The following PRKCH variants were observed in gnomAD, a reference collection of about 807,000 sequenced individuals.
PRKCH encodes the protein protein kinase C eta type.
A neutral mutation model predicts 82.5 loss-of-function variants in PRKCH; 28 were observed. The observed-to-expected ratio is 0.34, with a 90% confidence interval of 0.25 to 0.47. The LOEUF (loss-of-function observed/expected upper bound fraction) is 0.47, where lower values mean the gene tolerates loss of function less well. Among genes scored for constraint, PRKCH ranks in the 20% least tolerant of loss-of-function variants. The pLI is 1.00. For synonymous variants in PRKCH, 322 were observed against 327.4 expected (o/e 0.98, Z 0.18); for missense variants, 705 against 881.8 (o/e 0.80, Z 2.54).
intron 2 of PRKCH, among the ~76,000 whole-genome samples, chr14:61,428,509 A>G (rs1481472128): frequency 1.3e-5 from 2 of 151,924 alleles, no homozygotes; most frequent in African/African-American, 4.8e-5. Context: ...TTAAAATTTT[A>G]TTTTTGGTTT....
intron 10 of PRKCH, among the ~76,000 whole-genome samples, chr14:61,527,581 T>C (rs1394382203): frequency 6.6e-6 from 1 of 152,188 alleles, no homozygotes; most frequent in Non-Finnish European, 1.5e-5. Flanking sequence ...CCCCAACTGA[T>C]CTTTTCTTGT....
upstream of PRKCH, among the ~76,000 whole-genome samples, chr14:61,318,393 G>T (rs1272649744): frequency 3.1e-5 from 4 of 130,438 alleles, no homozygotes; most frequent in African/African-American, 1.2e-4. Flanking sequence ...TTGTAGAGAT[G>T]AGAGTCTCCC....
chr14:61,318,365 GTT>G (rs77878429), upstream of PRKCH, among the ~76,000 whole-genome samples: 10,694 of 126,018 alleles, frequency 0.085, 177 homozygotes, highest in African/African-American at 0.13. Flanking sequence ...GTTTTAAAAA[GTT>G]TTTTTTTTTT....
At chr14:61,309,103 C>T (rs796386928) in intron 1 of PRKCH, among the ~76,000 whole-genome samples, 6 of 151,998 alleles carry the variant, frequency 3.9e-5, no homozygotes, top group African/African-American at 7.2e-5. Context: ...GGCAACATAC[C>T]GAGACCCCGC....
chr14:61,334,239 C>T (rs968283505), intron 1 of PRKCH, among the ~76,000 whole-genome samples: 3 of 152,100 alleles, frequency 2.0e-5, no homozygotes, highest in African/African-American at 7.2e-5. Context: ...CTAGGTGTTA[C>T]AGGTAGGGCA....
chr14:61,500,931 G>A (rs573745092), intron 10 of PRKCH, among the ~76,000 whole-genome samples: 4 of 152,126 alleles, frequency 2.6e-5, no homozygotes, highest in Admixed American at 6.5e-5. Flanking sequence ...TTTAAGACTG[G>A]CCACAGACTC....
chr14:61,377,537 A>C (rs934239803), intron 1 of PRKCH, among the ~76,000 whole-genome samples: 5 of 152,220 alleles, frequency 3.3e-5, no homozygotes. Flanking sequence ...TCTTTCTGTA[A>C]AGGGCCAGAG....
chr14:61,205,743 C>T (rs1307511977), intron 1 of PRKCH, among the ~76,000 whole-genome samples: 4 of 152,194 alleles, frequency 2.6e-5, no homozygotes, highest in Admixed American at 6.5e-5. Context: ...CCAGAGGCAA[C>T]AAGCTAACTA....
At chr14:61,518,154 C>T (rs1317842208) in intron 10 of PRKCH, among the ~76,000 whole-genome samples, 2 of 152,126 alleles carry the variant, frequency 1.3e-5, no homozygotes, top group African/African-American at 4.8e-5. Flanking sequence ...CAGAGCAAGG[C>T]GCTATGGTCA....
chr14:61,423,205 CG>C (rs1395261523), intron 2 of PRKCH, among the ~76,000 whole-genome samples: 2 of 152,152 alleles, frequency 1.3e-5, no homozygotes, highest in Non-Finnish European at 2.9e-5. Flanking sequence ...GACTAAGAAA[CG>C]GGGACAAGAG....
chr14:61,420,283 G>T (rs936642605), intron 2 of PRKCH, among the ~76,000 whole-genome samples: 4 of 152,136 alleles, frequency 2.6e-5, no homozygotes, highest in African/African-American at 9.7e-5. Context: ...CTGAGCATTG[G>T]TTGTGTGGGG....
intron 1 of PRKCH, among the ~76,000 whole-genome samples, chr14:61,218,899 A>G (rs1190950670): frequency 6.6e-6 from 1 of 152,194 alleles, no homozygotes; most frequent in Non-Finnish European, 1.5e-5. Flanking sequence ...TCCTTGCTCA[A>G]TATTAAACCT....
At chr14:61,306,290 T>A (rs1045098002) in intron 1 of PRKCH, 7 of 152,282 alleles carry the variant, frequency 4.6e-5, no homozygotes, top group African/African-American at 1.7e-4. Context: ...CCTCATTAAG[T>A]CCTATCCTGC....
intron 10 of PRKCH, among the ~76,000 whole-genome samples, chr14:61,524,143 C>T (rs12883769): frequency 0.14 from 20,796 of 152,246 alleles, 2,164 homozygotes; most frequent in East Asian, 0.48. Context: ...GAGTAACTGA[C>T]TCTAGTGATC....
At chr14:61,388,723 A>G (rs1277069846) in intron 1 of PRKCH, among the ~76,000 whole-genome samples, 3 of 152,212 alleles carry the variant, frequency 2.0e-5, no homozygotes, top group Admixed American at 2.0e-4. Flanking sequence ...CTGTTTAGTC[A>G]TCTCTCTAGA....
At chr14:61,316,604 C>A (rs2140112643), upstream of PRKCH, among the ~76,000 whole-genome samples, 1 of 152,280 alleles carries the variant, frequency 6.6e-6, no homozygotes, top group South Asian at 2.1e-4. Flanking sequence ...ACCCCTTGCT[C>A]CCCTGCTTTC....
intron 1 of PRKCH, among the ~76,000 whole-genome samples, chr14:61,332,349 T>C (rs1046866259): frequency 6.6e-6 from 1 of 152,234 alleles, no homozygotes; most frequent in South Asian, 2.1e-4. Flanking sequence ...TTTATCAAGA[T>C]TATTATGTTA....
chr14:61,389,349 TA>T (rs111701252), intron 1 of PRKCH, among the ~76,000 whole-genome samples: 17,385 of 144,126 alleles, frequency 0.12, 1,620 homozygotes, highest in African/African-American at 0.26. Flanking sequence ...GACTCTGTCT[TA>T]AAAAAAAAAA....
intron 1 of PRKCH, among the ~76,000 whole-genome samples, chr14:61,190,313 A>G (rs1490000122): frequency 6.6e-6 from 1 of 152,164 alleles, no homozygotes; most frequent in East Asian, 1.9e-4. Flanking sequence ...TAGGTTAGTC[A>G]GGTCTTCACA....
Sources: gnomAD v4.1 joint callset for allele counts (sites outside exome capture counted in the v4.1 genomes callset) on GRCh38, gnomAD v4.1.1 for gene constraint, MANE v1.5 for transcripts, NCBI Gene and HGNC (gene_info 2026-07-23, HGNC 2026-07-21) for gene names.